MSH6: variants seen among roughly 807,000 people sequenced by gnomAD.
MSH6 encodes DNA mismatch repair protein Msh6.
In MSH6, 85 loss-of-function variants were observed where a neutral mutation model predicts 119.1. That is an observed-to-expected ratio of 0.71 (90% CI 0.60 to 0.85). The LOEUF is 0.85. Among genes scored for constraint, MSH6 ranks in the 40% least tolerant of loss-of-function variants. MSH6 has a pLI of 0.00. For missense variants in MSH6, 2,163 were observed against 1,655.3 expected (o/e 1.31, Z -5.32); for synonymous variants, 830 against 586.9 (o/e 1.41, Z -5.99).
rs192411937 is a variant in MSH6, at chr2:47,786,893, C to T, written c.260+3400C>T. 1.0e-3 allele frequency among the ~76,000 whole-genome samples: 153 copies of T among 152,254 alleles called. 1 individual carries two copies. Among genetic ancestry groups the T allele is most frequent in the Non-Finnish European group, 1.1e-3 (78 of 68,008 alleles). The stretch of plus-strand genomic sequence containing the variant: ...TCAAGCGATCCTCCCACTTCAGCCT[C>T]CCAACCTGTTGGGATTACAAGTGTG... On this transcript the variant is annotated intron_variant, in intron 1 of 9. Transcript: ENST00000234420.
rs147453999 is a variant in MSH6 at position 47,806,284 on chromosome 2, A to G, written c.3727A>G (p.Thr1243Ala). The G allele has an allele frequency of 1.2e-6, 2 of 1,614,088 alleles. No homozygotes were observed. The highest frequency in any genetic ancestry group is 1.1e-5 in the South Asian group (1 of 91,072). ...ACTTGCTGAGACTATAAAATGTCGT[A>G]CATTATTTTCAACTCACTACCATTC... ...KELAETIKCR[T>A]LFSTHYHSLV... The change falls in exon 8 of 10, where the codon ACA becomes GCA. Residue 1243 changes from threonine to alanine, a missense_variant. Coordinates refer to ENST00000234420, the MANE Select transcript of MSH6 (RefSeq NM_000179.3).
downstream of MSH6, chr2:47,809,096 T>G (rs1307979736): frequency 9.4e-7 from 1 of 1,066,512 alleles, no homozygotes; most frequent in Non-Finnish European, 1.4e-6. Flanking sequence ...TGCTAGGCAT[T>G]GCTAATTTAA....
Position 47,806,189 on chromosome 2 carries a change from A to AT in MSH6, c.3647-11dup, listed in dbSNP as rs774223571. ...TCCTTTGAGTTACTTCCTTATGCATATTTTACTTTAACAGGAAGAGGTACT... is the reference window on the plus strand; with the variant it reads ...TCCTTTGAGTTACTTCCTTATGCATATTTTTACTTTAACAGGAAGAGGTACT... On this transcript the variant is annotated splice_polypyrimidine_tract_variant and intron_variant, in intron 7 of 9. Coordinates refer to ENST00000234420, the MANE Select transcript of MSH6 (RefSeq NM_000179.3). 8.1e-6 allele frequency: 13 copies of AT among 1,612,972 alleles called. No individual in the cohort carries two copies. The Admixed American group carries it at 2.0e-4, about 25-fold the overall frequency.
chr2:47,801,316 A>G, intron 4 of MSH6, 161 bp downstream of exon 4: 1 of 520,804 alleles, frequency 1.9e-6, no homozygotes, highest in Non-Finnish European at 3.2e-6. Context: ...AATTTAAGTT[A>G]CTTGAAACTC....
intron 3 of MSH6, chr2:47,798,114 C>A: frequency 5.5e-6 from 1 of 181,522 alleles, no homozygotes; most frequent in Middle Eastern, 2.9e-3. Flanking sequence ...ACCACGTTTG[C>A]AGGAGAACTA....
At chr2:47,808,778 T>A (rs1339629891), downstream of MSH6, 1 of 266,840 alleles carries the variant, frequency 3.7e-6, no homozygotes, top group African/African-American at 2.2e-5. Flanking sequence ...CATCTTTACC[T>A]TGAAATTTCT....
intron 4 of MSH6, among the ~76,000 whole-genome samples, chr2:47,801,802 C>A (rs927902025): frequency 2.0e-5 from 3 of 152,016 alleles, no homozygotes; most frequent in Non-Finnish European, 4.4e-5. Context: ...GCGTGCCCTG[C>A]TTTATTTTTT....
At chr2:47,797,788 A>G (rs573922220) in intron 3 of MSH6, 79 of 203,964 alleles carry the variant, frequency 3.9e-4, no homozygotes, top group African/African-American at 1.8e-3. Flanking sequence ...TATTGTCTTC[A>G]TAGTAAAACA....
In MSH6 at chr2:47,805,145, A is replaced by T. The variant is rs935222630; in HGVS notation, c.3556+118A>T. The T allele has an allele frequency of 6.5e-6, 5 of 766,118 alleles. No individual in the cohort carries two copies. The East Asian group carries it at 1.0e-4, about 16-fold the overall frequency. 47.5% of individuals were successfully genotyped at this position (766,118 alleles called of 1,614,324 possible). A position where few individuals can be genotyped will look rare whatever the true frequency, so the allele number is the denominator to read the frequency against. ...TATTTGATTTTTCTGGTGTTACTTT[A>T]AAAACATCACTTTTTAAGAACTGCA... On this transcript the variant is annotated intron_variant, in intron 6 of 9. Coordinates refer to ENST00000234420, the MANE Select transcript of MSH6 (RefSeq NM_000179.3).
At position 47,799,929 on chromosome 2, in the gene MSH6, A is replaced by G. The variant is rs777799551; in HGVS notation, c.1946A>G (p.Asp649Gly). ...GAATATTTTAGGGAAAAGCTAAGTG[A>G]TGGCATTGGGGTGATGTTACCCCAG... Reference protein sequence around the residue: ...EEEYFREKLSDGIGVMLPQVL... With the variant: ...EEEYFREKLSGGIGVMLPQVL... The change falls in exon 4 of 10, where the codon GAT becomes GGT. Residue 649 changes from aspartate to glycine, a missense_variant. Asp to Gly is a moderately conservative substitution (Grantham distance 94, BLOSUM62 -1). Transcript: ENST00000234420. 4 of 1,614,084 alleles carry G rather than the reference A, an allele frequency of 2.5e-6. No homozygotes were observed. In the African/African-American group the frequency reaches 4.0e-5, roughly 16 times the overall value.
chr2:47,795,422 A>ATGTGTGTATGTGTG (rs1669015287), intron 2 of MSH6, among the ~76,000 whole-genome samples: 1 of 141,674 alleles, frequency 7.1e-6, no homozygotes, highest in African/African-American at 2.7e-5. Flanking sequence ...AAGTTATTTT[A>ATGTGTGTATGTGTG]TGTGTGTGTG....
In MSH6 at chr2:47,805,022, TGTCAG is replaced by T. The variant is rs2104510085; in HGVS notation, c.3554_3556+2del. 6.2e-7 allele frequency: 1 copy of T among 1,609,404 alleles called. No individual in the cohort carries two copies. Among genetic ancestry groups the T allele is most frequent in the Non-Finnish European group, 8.5e-7 (1 of 1,175,702 alleles). On this transcript the variant is annotated frameshift_variant and splice_region_variant, in exon 6 of 10. Transcript: ENST00000234420. LOFTEE classifies it high-confidence loss of function. ...AGACTTGGTGCCTCAGACAGAATAATGTCAGGTGAGTTTTTTGTTTCCCACTTAAG... is the reference window on the plus strand; with the variant it reads ...AGACTTGGTGCCTCAGACAGAATAATGTGAGTTTTTTGTTTCCCACTTAAG...
intron 4 of MSH6, 74 bp from the exon 5 acceptor site, chr2:47,803,346 G>A (rs2104469215): frequency 6.4e-7 from 1 of 1,573,012 alleles, no homozygotes; most frequent in African/African-American, 1.3e-5. Flanking sequence ...GTTATATAAA[G>A]AAGACCTATA....
chr2:47,803,814 A>G, intron 5 of MSH6, 129 bp downstream of exon 5: 2 of 964,688 alleles, frequency 2.1e-6, no homozygotes, highest in South Asian at 2.9e-5. Context: ...GCAAAGGGAA[A>G]TTACTCCCTG....
At chr2:47,788,930 T>TG (rs1558650258) in intron 1 of MSH6, among the ~76,000 whole-genome samples, 18 of 92,700 alleles carry the variant, frequency 1.9e-4, no homozygotes, top group African/African-American at 8.2e-4. Context: ...TTGTTTTTTT[T>TG]TTTTTTTTTT....
chr2:47,809,511 T>C (rs995136824), downstream of MSH6: 1 of 928,254 alleles, frequency 1.1e-6, no homozygotes, highest in African/African-American at 1.7e-5. Flanking sequence ...ACTTGGAGAG[T>C]GACATAAGGA....
chr2:47,788,932 T>TTTTTTTG (rs1668551855), intron 1 of MSH6, among the ~76,000 whole-genome samples: 2 of 96,044 alleles, frequency 2.1e-5, no homozygotes, highest in African/African-American at 9.6e-5. Context: ...GTTTTTTTTT[T>TTTTTTTG]TTTTTTTTTT....
chr2:47,801,360 AGT>A, intron 4 of MSH6: 1 of 58,166 alleles, frequency 1.7e-5, no homozygotes, highest in Non-Finnish European at 3.0e-5. Flanking sequence ...GCCTTTCTTC[AGT>A]TTTTTTTTTT....
chr2:47,809,168 C>G, downstream of MSH6: 1 of 1,570,794 alleles, frequency 6.4e-7, no homozygotes, highest in Non-Finnish European at 8.7e-7. Flanking sequence ...CTGTAGAAAT[C>G]ATGCATGGGA....
Sources: allele counts gnomAD v4.1 joint callset (sites outside exome capture counted in the v4.1 genomes callset), GRCh38; gene constraint gnomAD v4.1.1; transcripts MANE v1.5; gene names NCBI Gene and HGNC (gene_info 2026-07-23, HGNC 2026-07-21).